The following PCNX2 variants were observed in gnomAD, a reference collection of about 807,000 sequenced individuals.
PCNX2 encodes the protein pecanex 2.
In PCNX2, 168 loss-of-function variants were observed where a neutral mutation model predicts 223.8. The ratio of observed to expected loss-of-function variants is 0.75; its 90% CI spans 0.66 to 0.85. The LOEUF is 0.85. PCNX2 is among the 40% of genes least tolerant of loss of function. The pLI, the probability that PCNX2 is intolerant of heterozygous loss-of-function variation, is 0.00. For missense variants in PCNX2, 2,507 were observed against 2,675.5 expected, an observed-to-expected ratio of 0.94 and a Z score of 1.39; for synonymous variants, 1,006 against 1,052.6, an observed-to-expected ratio of 0.96 and a Z score of 0.86.
At chr1:233,196,939 T>A (rs933774968) in intron 15 of PCNX2, among the ~76,000 whole-genome samples, 1 of 152,128 alleles carries the variant, frequency 6.6e-6, no homozygotes, top group Non-Finnish European at 1.5e-5. Flanking sequence ...GGGGGAACAG[T>A]TTGTGTCATG....
intron 1 of PCNX2, among the ~76,000 whole-genome samples, chr1:233,293,587 G>A (rs1339832765): frequency 6.6e-6 from 1 of 152,214 alleles, no homozygotes; most frequent in Admixed American, 6.5e-5. Flanking sequence ...AATGGTATAA[G>A]GGCAAGGGAG....
chr1:233,196,018 A>G (rs1037160334), intron 15 of PCNX2, among the ~76,000 whole-genome samples: 2 of 152,214 alleles, frequency 1.3e-5, no homozygotes, highest in African/African-American at 4.8e-5. Flanking sequence ...CTGATTTCAA[A>G]GCATATTATA....
At chr1:232,988,845 G>A (rs1418604874) in intron 32 of PCNX2, among the ~76,000 whole-genome samples, 2 of 152,210 alleles carry the variant, frequency 1.3e-5, no homozygotes, top group African/African-American at 4.8e-5. Flanking sequence ...ACGTTTGCAG[G>A]TTGTCAGGAC....
At chr1:233,146,555 C>T (rs375835974) in intron 19 of PCNX2, among the ~76,000 whole-genome samples, 1 of 152,116 alleles carries the variant, frequency 6.6e-6, no homozygotes, top group East Asian at 1.9e-4. Context: ...CAGATTGAGG[C>T]CATCACATCA....
At chr1:233,247,663 G>A (rs1185695229) in intron 8 of PCNX2, among the ~76,000 whole-genome samples, 2 of 152,010 alleles carry the variant, frequency 1.3e-5, no homozygotes, top group Non-Finnish European at 2.9e-5. Context: ...CGGATCACGA[G>A]GTCAGGAGTT....
chr1:233,190,546 T>C (rs550222389), intron 15 of PCNX2, among the ~76,000 whole-genome samples: 16 of 152,360 alleles, frequency 1.1e-4, no homozygotes, highest in African/African-American at 3.8e-4. Context: ...TTTGTTTGTT[T>C]GTTTTTGGTT....
chr1:233,094,854 C>T (rs1247565780), intron 22 of PCNX2, among the ~76,000 whole-genome samples: 4 of 152,132 alleles, frequency 2.6e-5, no homozygotes, highest in African/African-American at 9.7e-5. Flanking sequence ...AAGACAGATT[C>T]TAGGATCCCG....
At chr1:233,039,098 A>C (rs1257941852) in intron 25 of PCNX2, among the ~76,000 whole-genome samples, 1 of 152,246 alleles carries the variant, frequency 6.6e-6, no homozygotes, top group Non-Finnish European at 1.5e-5. Flanking sequence ...AGCTGCTAGA[A>C]GTGACTTACA....
At chr1:233,035,060 G>A (rs1671405002) in intron 25 of PCNX2, among the ~76,000 whole-genome samples, 1 of 152,192 alleles carries the variant, frequency 6.6e-6, no homozygotes, top group Non-Finnish European at 1.5e-5. Context: ...CTAAGGTACA[G>A]GCTGTTTACC....
Position 233,054,296 on chromosome 1 carries a change from G to T in PCNX2, c.4323C>A (p.Thr1441=), listed in dbSNP as rs369253769. The T allele has an allele frequency of 6.8e-6, 11 of 1,613,828 alleles. No homozygotes were observed. Among genetic ancestry groups the T allele is most frequent in the South Asian group, 4.4e-5 (4 of 91,052 alleles). The change falls in exon 25 of 34, where the codon ACC becomes ACA. Residue 1441 remains threonine, a synonymous_variant. Transcript: ENST00000258229. The part of the protein sequence containing the change: ...HLIEIGNGLV[T]FQLRGLEFRG... ...GGAATTCCAGTCCTCGAAGTTGAAA[G>T]GTGACAAGACCATTTCCAATTTCAA...
At chr1:233,025,829 T>C (rs1170618066) in intron 25 of PCNX2, among the ~76,000 whole-genome samples, 1 of 152,250 alleles carries the variant, frequency 6.6e-6, no homozygotes, top group African/African-American at 2.4e-5. Context: ...TAAAATGGCA[T>C]ATGCAAAGTG....
At chr1:233,059,572 A>C (rs1269058255) in intron 23 of PCNX2, among the ~76,000 whole-genome samples, 1 of 152,194 alleles carries the variant, frequency 6.6e-6, no homozygotes, top group Non-Finnish European at 1.5e-5. Flanking sequence ...TCTTTGTGTA[A>C]TTATCTGATG....
At chr1:233,274,622 C>T (rs949875734) in intron 1 of PCNX2, among the ~76,000 whole-genome samples, 2 of 152,130 alleles carry the variant, frequency 1.3e-5, no homozygotes, top group African/African-American at 4.8e-5. Context: ...CTAAATCAGA[C>T]TGAGGAATGG....
intron 33 of PCNX2, chr1:232,985,762 T>A: frequency 1.7e-6 from 1 of 582,542 alleles, no homozygotes; most frequent in Non-Finnish European, 3.1e-6. Context: ...AGAGTCCTGC[T>A]GTGTGAATGG....
intron 1 of PCNX2, among the ~76,000 whole-genome samples, chr1:233,285,505 C>A (rs1380028536): frequency 6.6e-6 from 1 of 151,182 alleles, no homozygotes; most frequent in East Asian, 2.0e-4. Flanking sequence ...GAAACCCTGT[C>A]TCTACTAAAA....
chr1:233,172,576 A>G, intron 17 of PCNX2: 2 of 982,754 alleles, frequency 2.0e-6, no homozygotes, highest in Non-Finnish European at 2.4e-6. Context: ...CTGATGATCC[A>G]TGGTCTGGCA....
intron 1 of PCNX2, among the ~76,000 whole-genome samples, chr1:233,274,235 C>G (rs911781590): frequency 6.6e-6 from 1 of 152,164 alleles, no homozygotes; most frequent in Admixed American, 6.5e-5. Flanking sequence ...TTCTTTAGCC[C>G]AGGGCTTCCC....
intron 10 of PCNX2, among the ~76,000 whole-genome samples, chr1:233,222,676 G>A (rs552590076): frequency 6.6e-6 from 1 of 152,326 alleles, no homozygotes; most frequent in African/African-American, 2.4e-5. Flanking sequence ...GATACACGTG[G>A]AAGGAACAGC....
chr1:233,259,052 G>A lies in PCNX2; in HGVS notation c.810C>T (p.Asp270=), dbSNP rs202182061. The change falls in exon 5 of 34, where the codon GAC becomes GAT. Residue 270 remains aspartate, a synonymous_variant. Transcript: ENST00000258229. ...CACTCCCCCACGGCTGGAAAGAAAC[G>A]TCTGTTTCTAGTAAGTCATACTGAG... ...SLSQYDLLET[D]VSFQPWGSEN... is the part of the protein sequence containing the mutation. The A allele has an allele frequency of 2.3e-4, 371 of 1,613,926 alleles. No individual in the cohort carries two copies. The African/African-American group carries it at 3.9e-3, about 17-fold the overall frequency.
Sources: gnomAD v4.1 joint callset for allele counts (sites outside exome capture counted in the v4.1 genomes callset) on GRCh38, gnomAD v4.1.1 for gene constraint, MANE v1.5 for transcripts, NCBI Gene and HGNC (gene_info 2026-07-23, HGNC 2026-07-21) for gene names.